The following INTS2 variants were observed in gnomAD, a reference collection of about 807,000 sequenced individuals.
INTS2 encodes the protein integrator complex subunit 2, also known as KIAA1287.
In INTS2, 57 loss-of-function variants were observed where a neutral mutation model predicts 139.6. That is an observed-to-expected ratio of 0.41 (90% confidence interval 0.33 to 0.51). The LOEUF (loss-of-function observed/expected upper bound fraction) is 0.51. INTS2 is among the 20% of genes least tolerant of loss of function. The probability of loss-of-function intolerance (pLI) is 0.28; values close to 1 mark genes in which losing one functional copy is unlikely to be tolerated. For synonymous variants in INTS2, 473 were observed against 493.4 expected, an observed-to-expected ratio of 0.96 and a Z score of 0.55; for missense variants, 1,196 against 1,436.7, an observed-to-expected ratio of 0.83 and a Z score of 2.71.
chr17:61,917,881 A>G (rs2079599273), intron 5 of INTS2, among the ~76,000 whole-genome samples: 1 of 152,218 alleles, frequency 6.6e-6, no homozygotes, highest in African/African-American at 2.4e-5. Flanking sequence ...TATAAATGTG[A>G]AAACTAAGAA....
chr17:61,893,864 GGT>G lies in INTS2; in HGVS notation c.1597_1598del (p.Thr533GlnfsTer38). 6.3e-7 allele frequency: 1 copy of G among 1,580,588 alleles called. No homozygotes were observed. The highest frequency in any genetic ancestry group is 8.6e-7 in the Non-Finnish European group (1 of 1,162,440). Reference protein sequence around the residue: ...VTAHAVRVPVTSNLSANITGF... With the variant: ...VTAHAVRVPVXSNLSANITGF... The stretch of plus-strand genomic sequence containing the variant: ...CAGTAATGTTGGCACTCAGGTTGCT[GGT>G]GACAGGGACCCGAACTGCATGAGCT... On this transcript the variant is annotated frameshift_variant, in exon 13 of 25. Coordinates refer to ENST00000251334, the MANE Select transcript of INTS2 (RefSeq NM_001351695.2). LOFTEE classifies it high-confidence loss of function. This position sits in a 1 kb window ranked among gnomAD's most constrained non-coding sequence, Gnocchi z 5.4.
In INTS2 at chr17:61,897,173, G is replaced by A. The variant is rs932518649; in HGVS notation, c.1494+296C>T. Among the ~76,000 whole-genome samples the A allele has an allele frequency of 3.3e-5, 5 of 152,158 alleles. No individual in the cohort carries two copies. The highest frequency in any genetic ancestry group is 2.0e-4 in the Admixed American group (3 of 15,276). On this transcript the variant is annotated intron_variant, in intron 11 of 24. Coordinates refer to ENST00000251334, the MANE Select transcript of INTS2 (RefSeq NM_001351695.2). The surrounding 1 kb of genome is among the most constrained non-coding windows in gnomAD (Gnocchi z 4.4). ...TTAATTTTTTTAAATCATCAAATAT[G>A]TACGTCACTTTAAAGAAAGAACAGA...
intron 15 of INTS2, among the ~76,000 whole-genome samples, chr17:61,887,360 G>A (rs2079239136): frequency 6.6e-6 from 1 of 152,018 alleles, no homozygotes; most frequent in East Asian, 1.9e-4. Context: ...GTGGGCACCT[G>A]TAATCCCAGC....
Position 61,925,111 on chromosome 17 carries a change from C to A in INTS2, c.294-12G>T. The A allele has an allele frequency of 6.2e-7, 1 of 1,609,772 alleles. No individual in the cohort carries two copies. Among genetic ancestry groups the A allele is most frequent in the Non-Finnish European group, 8.5e-7 (1 of 1,176,832 alleles). ...CTCCAAGTTTATGCCTAATGAAGTACAAAACATGTAACAATTATGAAAACA... is the reference window on the plus strand; with the variant it reads ...CTCCAAGTTTATGCCTAATGAAGTAAAAAACATGTAACAATTATGAAAACA... On this transcript the variant is annotated splice_polypyrimidine_tract_variant and intron_variant, in intron 2 of 24. Coordinates refer to ENST00000251334, the MANE Select transcript of INTS2 (RefSeq NM_001351695.2).
At chr17:61,900,156 C>T (rs557818676) in intron 9 of INTS2, among the ~76,000 whole-genome samples, 33 of 152,220 alleles carry the variant, frequency 2.2e-4, no homozygotes, top group African/African-American at 7.7e-4. Flanking sequence ...CTCAGCAGAC[C>T]TGAGGAAGCA....
chr17:61,924,149 A>G (rs1235294335), intron 3 of INTS2, among the ~76,000 whole-genome samples: 2 of 152,282 alleles, frequency 1.3e-5, no homozygotes, highest in African/African-American at 2.4e-5. Context: ...CCTACATTCA[A>G]TTCAGCATTG....
intron 11 of INTS2, among the ~76,000 whole-genome samples, chr17:61,895,711 T>C (rs754746560): frequency 1.3e-5 from 2 of 152,152 alleles, no homozygotes; most frequent in Non-Finnish European, 2.9e-5. Flanking sequence ...TCTGTGTCTG[T>C]ATATACGCAC....
chr17:61,905,812 C>T (rs560058361), intron 8 of INTS2, among the ~76,000 whole-genome samples: 2 of 152,244 alleles, frequency 1.3e-5, no homozygotes, highest in South Asian at 4.1e-4. Flanking sequence ...ATTCTCCTGC[C>T]TCAGCCTCCC....
intron 17 of INTS2, among the ~76,000 whole-genome samples, chr17:61,879,214 A>G (rs1390290377): frequency 3.3e-5 from 5 of 151,100 alleles, no homozygotes; most frequent in African/African-American, 1.2e-4. Context: ...GTCACTGTCC[A>G]GCCCAGACTG....
At chr17:61,924,395 G>A (rs959217565) in intron 3 of INTS2, among the ~76,000 whole-genome samples, 6 of 151,962 alleles carry the variant, frequency 3.9e-5, no homozygotes, top group Non-Finnish European at 5.9e-5. Flanking sequence ...GATTCCATAC[G>A]GAAAAAAATC....
chr17:61,925,941 G>A (rs911102210), intron 2 of INTS2, among the ~76,000 whole-genome samples: 5 of 151,472 alleles, frequency 3.3e-5, no homozygotes, highest in Non-Finnish European at 4.4e-5. Context: ...CAGGAGGATC[G>A]CTTGAACCTG....
rs2145899297 is a variant in INTS2 at position 61,870,520 on chromosome 17, T to G, written c.2779-532A>C. Among the ~76,000 whole-genome samples, 1 of 152,346 alleles carries G rather than the reference T, an allele frequency of 6.6e-6. No homozygotes were observed. Among genetic ancestry groups the G allele is most frequent in the South Asian group, 2.1e-4 (1 of 4,828 alleles). On this transcript the variant is annotated intron_variant, in intron 20 of 24. Coordinates refer to ENST00000251334, the MANE Select transcript of INTS2 (RefSeq NM_001351695.2). The surrounding 1 kb of genome is among the most constrained non-coding windows in gnomAD (Gnocchi z 4.4). ...CACCTGCACAACTCATTGCTCAGTC[T>G]ACAGGCTTGAGCATCATTGCACAGA... is the stretch of plus-strand genomic sequence containing the variant.
intron 15 of INTS2, among the ~76,000 whole-genome samples, chr17:61,888,434 T>C (rs2079251617): frequency 6.6e-6 from 1 of 152,180 alleles, no homozygotes; most frequent in Non-Finnish European, 1.5e-5. Flanking sequence ...ACCTTCTTTT[T>C]CAAATACAGG....
intron 9 of INTS2, among the ~76,000 whole-genome samples, chr17:61,900,474 C>T (rs950819789): frequency 6.6e-6 from 1 of 152,086 alleles, no homozygotes; most frequent in Non-Finnish European, 1.5e-5. Context: ...ATTAAGTAAA[C>T]GATTATACTG....
At position 61,897,442 on chromosome 17, in the gene INTS2, T is replaced by C; in HGVS notation, c.1494+27A>G. 1 of 1,372,994 alleles carries C rather than the reference T, an allele frequency of 7.3e-7. No homozygotes were observed. 85.1% of individuals were successfully genotyped at this position (1,372,994 alleles called of 1,614,324 possible). ...TCCAGCTTAGAAACACCTTTTTTTT[T>C]TTAGAAAGAAGTTAAAAGAAAATTA... On this transcript the variant is annotated intron_variant, in intron 11 of 24. Coordinates refer to ENST00000251334, the MANE Select transcript of INTS2 (RefSeq NM_001351695.2). This position sits in a 1 kb window ranked among gnomAD's most constrained non-coding sequence, Gnocchi z 4.4.
At position 61,921,786 on chromosome 17, in the gene INTS2, T is replaced by G; in HGVS notation, c.474A>C (p.Glu158Asp). ...CCAAATATACTGGACTCTCAAAAAG[T>G]TCAGAAGACTTGAAAAAAAATTCTC... Reference protein sequence around the residue: ...SNGEFFFKSSELFESPVYLEE... With the variant: ...SNGEFFFKSSDLFESPVYLEE... The change falls in exon 4 of 25, where the codon GAA becomes GAC. Residue 158 changes from glutamate to aspartate, a missense_variant. Physicochemically the swap from Glu to Asp is conservative, Grantham distance 45. Coordinates refer to ENST00000251334, the MANE Select transcript of INTS2 (RefSeq NM_001351695.2). The G allele has an allele frequency of 6.2e-7, 1 of 1,604,660 alleles. No homozygotes were observed. The highest frequency in any genetic ancestry group is 8.5e-7 in the Non-Finnish European group (1 of 1,175,994).
chr17:61,881,365 G>A (rs1470641372), intron 16 of INTS2, among the ~76,000 whole-genome samples, 194 bp from the exon 17 acceptor site: 1 of 152,194 alleles, frequency 6.6e-6, no homozygotes, highest in Non-Finnish European at 1.5e-5. Flanking sequence ...GGGAAGCCGA[G>A]GCGGGTGGAT....
At chr17:61,926,769 T>A (rs2079720091) in intron 1 of INTS2, 107 bp from the exon 2 acceptor site, 2 of 820,706 alleles carry the variant, frequency 2.4e-6, no homozygotes, top group Non-Finnish European at 4.1e-6. Context: ...TAGGTCCCTA[T>A]GTTGGCAATG....
chr17:61,896,661 T>C (rs1364039817), intron 11 of INTS2, among the ~76,000 whole-genome samples: 1 of 152,056 alleles, frequency 6.6e-6, no homozygotes, highest in Non-Finnish European at 1.5e-5. Context: ...CCAAAACACA[T>C]AAATTTTAAA....
Sources: gnomAD v4.1 joint callset for allele counts (sites outside exome capture counted in the v4.1 genomes callset) on GRCh38, gnomAD v4.1.1 for gene constraint, Gnocchi (gnomAD v3.1) non-coding constraint, MANE v1.5 for transcripts, NCBI Gene and HGNC (gene_info 2026-07-23, HGNC 2026-07-21) for gene names.